The following GABRA3 variants were observed in gnomAD, a reference collection of about 807,000 sequenced individuals.
The protein encoded by GABRA3 is gamma-aminobutyric acid receptor subunit alpha-3.
GABRA3 carries 10 observed loss-of-function variants against 30.1 expected under a neutral mutation model. That is an observed-to-expected ratio of 0.33 (90% CI 0.20 to 0.56). The LOEUF (loss-of-function observed/expected upper bound fraction) is 0.56. Among genes scored for constraint, GABRA3 ranks in the 20% least tolerant of loss-of-function variants. The pLI is 0.89. For missense variants in GABRA3, 233 were observed against 392.0 expected (o/e 0.59, Z 3.42); for synonymous variants, 151 against 146.8 (o/e 1.03, Z -0.21).
chrX:152,415,580 G>C (rs1402117854), intron 1 of GABRA3, among the ~76,000 whole-genome samples: 1 of 110,531 alleles, frequency 9.0e-6, no homozygotes, highest in Non-Finnish European at 1.9e-5. Flanking sequence ...ATATTGCATA[G>C]AACTATAGAC....
chrX:152,364,942 C>T (rs1158337460), intron 1 of GABRA3, among the ~76,000 whole-genome samples: 2 of 111,660 alleles, frequency 1.8e-5, no homozygotes, highest in Admixed American at 1.9e-4. Flanking sequence ...AGGTGAATCA[C>T]AGAACTTCCC....
chrX:152,257,834 T>G lies in GABRA3; in HGVS notation c.331-1836A>C, dbSNP rs145139481. Among the ~76,000 whole-genome samples the G allele has an allele frequency of 9.6e-4, 108 of 112,115 alleles. 1 individual carries two copies. The East Asian group carries it at 0.026, about 27-fold the overall frequency. On this transcript the variant is annotated intron_variant, in intron 4 of 9. Transcript: ENST00000370314. The stretch of plus-strand genomic sequence containing the variant: ...TGAGGAGAAAGTGTTTCTACTGAAA[T>G]GTAGCAACCTCAAAATTCTAATCAT...
intron 3 of GABRA3, among the ~76,000 whole-genome samples, chrX:152,316,413 T>G (rs1319982661): frequency 9.0e-6 from 1 of 111,422 alleles, no homozygotes; most frequent in East Asian, 2.8e-4. Context: ...GAAAAGAAAT[T>G]TAAAAGTTTG....
chrX:152,356,741 T>G (rs776487115), intron 2 of GABRA3, among the ~76,000 whole-genome samples: 35 of 111,469 alleles, frequency 3.1e-4, no homozygotes, highest in African/African-American at 1.1e-3. Flanking sequence ...TCACCCTCCT[T>G]CCACACTCTA....
intron 1 of GABRA3, among the ~76,000 whole-genome samples, chrX:152,383,693 C>CAA (rs370843867): frequency 4.5e-5 from 4 of 89,229 alleles, no homozygotes; most frequent in Admixed American, 1.3e-4. Context: ...CTCTTGATTA[C>CAA]AAAAAAAAAA....
intron 1 of GABRA3, among the ~76,000 whole-genome samples, chrX:152,421,644 T>C (rs1930376319): frequency 9.0e-6 from 1 of 111,390 alleles, no homozygotes; most frequent in Non-Finnish European, 1.9e-5. Context: ...AATACATATA[T>C]TTGACAGAGG....
intron 3 of GABRA3, among the ~76,000 whole-genome samples, chrX:152,321,016 T>C (rs1206870480): frequency 8.9e-6 from 1 of 112,453 alleles, no homozygotes; most frequent in Non-Finnish European, 1.9e-5. Flanking sequence ...TGTTTACCCT[T>C]TGAATACCTG....
At chrX:152,401,266 G>GTA (rs747896105) in intron 1 of GABRA3, among the ~76,000 whole-genome samples, 10,521 of 96,943 alleles carry the variant, frequency 0.11, 766 homozygotes, top group African/African-American at 0.26. Context: ...TTTAATGTGT[G>GTA]TATATATATA....
At chrX:152,448,348 T>C (rs902087298) in intron 1 of GABRA3, among the ~76,000 whole-genome samples, 12 of 112,533 alleles carry the variant, frequency 1.1e-4, no homozygotes, top group Middle Eastern at 4.6e-3. Context: ...GGCCTAACGA[T>C]TTCCGAAGCC....
chrX:152,182,815 CAT>C (rs1365213566), intron 9 of GABRA3, among the ~76,000 whole-genome samples: 13 of 48,748 alleles, frequency 2.7e-4, no homozygotes, highest in African/African-American at 8.8e-4. Flanking sequence ...ATATTTACAC[CAT>C]ATATATACAT....
chrX:152,323,708 T>C (rs1940007111), intron 3 of GABRA3, among the ~76,000 whole-genome samples: 2 of 112,459 alleles, frequency 1.8e-5, no homozygotes, highest in Non-Finnish European at 3.8e-5. Context: ...AATTGCTTTC[T>C]GTTAAAAAAA....
At chrX:152,206,671 G>A (rs1236111520) in intron 7 of GABRA3, among the ~76,000 whole-genome samples, 1 of 111,354 alleles carries the variant, frequency 9.0e-6, no homozygotes, top group Non-Finnish European at 1.9e-5. Flanking sequence ...GCGCTCCTGG[G>A]ACACAGGGAC....
chrX:152,383,895 T>C (rs987011060), intron 1 of GABRA3, among the ~76,000 whole-genome samples: 4 of 104,251 alleles, frequency 3.8e-5, no homozygotes, highest in Non-Finnish European at 7.8e-5. Flanking sequence ...GCATTCTTAA[T>C]GGAAAGGAAG....
At chrX:152,191,498 T>C (rs746111234) in intron 8 of GABRA3, among the ~76,000 whole-genome samples, 61 of 109,815 alleles carry the variant, frequency 5.6e-4, no homozygotes, top group African/African-American at 2.0e-3. Context: ...ATGGTCAGAA[T>C]GTCTTTCTTA....
At chrX:152,321,192 C>A (rs1939958162) in intron 3 of GABRA3, among the ~76,000 whole-genome samples, 1 of 110,994 alleles carries the variant, frequency 9.0e-6, no homozygotes, top group Non-Finnish European at 1.9e-5. Flanking sequence ...GCAAGCAGGG[C>A]CTCACATACG....
rs200333152 is a variant in GABRA3, at chrX:152,167,421, G to T, written c.*807C>A. 8 of 112,043 alleles carry T rather than the reference G, an allele frequency of 7.1e-5. No homozygotes were observed. The highest frequency in any genetic ancestry group is 1.3e-4 in the Non-Finnish European group (7 of 53,225). 9.2% of individuals were successfully genotyped at this position (112,043 alleles called of 1,213,427 possible). ...TTTTCGATATAAATAAAAAATGCTT[G>T]ATCATTTTTTCCTGAAAAGTTTACA... On this transcript the variant is annotated 3_prime_UTR_variant, in exon 10 of 10. Coordinates refer to ENST00000370314, the MANE Select transcript of GABRA3 (RefSeq NM_000808.4).
At chrX:152,333,463 C>G (rs1940191507) in intron 3 of GABRA3, among the ~76,000 whole-genome samples, 1 of 111,964 alleles carries the variant, frequency 8.9e-6, no homozygotes, top group African/African-American at 3.2e-5. Context: ...CTGTTCTACT[C>G]TAATTGAAGA....
At chrX:152,356,355 T>C (rs1940548795) in intron 2 of GABRA3, among the ~76,000 whole-genome samples, 1 of 112,060 alleles carries the variant, frequency 8.9e-6, no homozygotes, top group Non-Finnish European at 1.9e-5. Flanking sequence ...GGTGGTTTAA[T>C]TGAATAAATC....
chrX:152,441,399 G>A (rs112874859), intron 1 of GABRA3, among the ~76,000 whole-genome samples: 43 of 111,660 alleles, frequency 3.9e-4, no homozygotes, highest in African/African-American at 1.4e-3. Flanking sequence ...TCTGTCAAAA[G>A]GATGTCAATT....
Sources: allele counts gnomAD v4.1 joint callset (sites outside exome capture counted in the v4.1 genomes callset), GRCh38; gene constraint gnomAD v4.1.1; transcripts MANE v1.5; gene names NCBI Gene and HGNC (gene_info 2026-07-23, HGNC 2026-07-21).